The following MUC22 variants were observed in gnomAD, a reference collection of about 807,000 sequenced individuals.
MUC22 encodes mucin 22, also known as mucin-22.
MUC22 carries 24 observed loss-of-function variants against 40.3 expected under a neutral mutation model. The observed-to-expected ratio is 0.60, with a 90% CI of 0.43 to 0.84. The LOEUF is 0.84. MUC22 is among the 40% of genes least tolerant of loss of function. The probability of loss-of-function intolerance (pLI) is 0.00; values close to 1 mark genes in which losing one functional copy is unlikely to be tolerated. For missense variants in MUC22, 1,926 were observed against 2,130.7 expected, an observed-to-expected ratio of 0.90 and a Z score of 1.89; for synonymous variants, 765 against 844.5, an observed-to-expected ratio of 0.91 and a Z score of 1.63.
At chr6:31,005,998 G>A (rs962462690), upstream of MUC22, 29 of 212,416 alleles carry the variant, frequency 1.4e-4, no homozygotes, top group African/African-American at 5.7e-4. Context: ...TCCCAGCTAC[G>A]TGGGAAGCTG....
At chr6:31,034,851 T>C (rs1766335272) in exon 4 of MUC22, 1 of 1,535,300 alleles carries the variant, frequency 6.5e-7, no homozygotes, top group East Asian at 2.4e-5. Flanking sequence ...GCTTTGGATA[T>C]GGAGTGGGCC....
chr6:31,016,569 C>T (rs542176938), intron 1 of MUC22, among the ~76,000 whole-genome samples: 1 of 152,374 alleles, frequency 6.6e-6, no homozygotes, highest in South Asian at 2.1e-4. Context: ...GTGGGTTTTA[C>T]ATTTCAGGGT....
intron 1 of MUC22, among the ~76,000 whole-genome samples, chr6:31,022,583 A>G (rs1269768669): frequency 6.6e-6 from 1 of 152,168 alleles, no homozygotes; most frequent in Non-Finnish European, 1.5e-5. Flanking sequence ...TTAAATTTTA[A>G]AAGATAATAT....
exon 2 of MUC22, chr6:31,028,131 C>G: frequency 6.5e-7 from 1 of 1,529,894 alleles, no homozygotes; most frequent in East Asian, 2.5e-5. Flanking sequence ...CAGTCTCCAC[C>G]ACAGACTCTG....
At chr6:31,023,422 G>A (rs1373623991) in intron 1 of MUC22, among the ~76,000 whole-genome samples, 1 of 152,084 alleles carries the variant, frequency 6.6e-6, no homozygotes, top group East Asian at 1.9e-4. Flanking sequence ...ACTCGTGCCT[G>A]TGATCCTAGA....
At chr6:31,027,023 C>T (rs752731288) in exon 2 of MUC22, 2 of 1,505,214 alleles carry the variant, frequency 1.3e-6, no homozygotes, top group African/African-American at 2.8e-5. Context: ...GCCTCTACTA[C>T]AGGGTTTGAG....
rs1254417688 is a variant in MUC22 at position 31,030,504 on chromosome 6, G to A, written c.4669+404G>A. Among the ~76,000 whole-genome samples the A allele has an allele frequency of 2.2e-5, 3 of 135,428 alleles. No individual in the cohort carries two copies. In the South Asian group the frequency reaches 7.0e-4, roughly 31 times the overall value. The allele number at this position is 135,428 out of a possible 152,430, so 88.8% of individuals were successfully genotyped here. The stretch of plus-strand genomic sequence containing the variant: ...TGCATTCCAGCCTGGGCGACAGAGC[G>A]AGACTCCGTCTCAAAAAAAAAAAAA... On this transcript the variant is annotated intron_variant, in intron 2 of 3. Transcript: ENST00000561890.
intron 1 of MUC22, among the ~76,000 whole-genome samples, chr6:31,014,045 TATG>T (rs1448100288): frequency 1.3e-5 from 2 of 152,300 alleles, no homozygotes; most frequent in African/African-American, 4.8e-5. Flanking sequence ...GTGTTTACAT[TATG>T]ATAACTATAA....
intron 1 of MUC22, among the ~76,000 whole-genome samples, chr6:31,021,065 G>A (rs1764685788): frequency 6.6e-6 from 1 of 152,222 alleles, no homozygotes; most frequent in Non-Finnish European, 1.5e-5. Context: ...CCTGCTCCAG[G>A]GCGCCCAGTC....
chr6:31,034,978 G>T, exon 4 of MUC22: 3 of 1,516,534 alleles, frequency 2.0e-6, no homozygotes, highest in Non-Finnish European at 2.6e-6. Context: ...CCACCAAGGA[G>T]GCCACGGCAG....
At chr6:31,033,674 A>G (rs1766242778) in intron 3 of MUC22, among the ~76,000 whole-genome samples, 1 of 152,176 alleles carries the variant, frequency 6.6e-6, no homozygotes, top group Non-Finnish European at 1.5e-5. Context: ...AGTTCTTCCC[A>G]ATTCTGAGCT....
upstream of MUC22, chr6:31,010,329 G>A (rs1458828993): frequency 2.1e-5 from 4 of 193,794 alleles, no homozygotes; most frequent in East Asian, 1.2e-4. Flanking sequence ...TCTCTCCTCC[G>A]CCTTGATTCC....
intron 3 of MUC22, among the ~76,000 whole-genome samples, chr6:31,033,089 T>A (rs1766186990): frequency 1.3e-5 from 2 of 151,990 alleles, no homozygotes; most frequent in Non-Finnish European, 2.9e-5. Context: ...TGCTTGAACC[T>A]GGGAGATGGA....
At chr6:31,026,921 C>CCAA in exon 2 of MUC22, 1 of 1,506,572 alleles carries the variant, frequency 6.6e-7, no homozygotes, top group Non-Finnish European at 8.9e-7. Flanking sequence ...TCTGAGACCA[C>CCAA]AGTCTCCACT....
At chr6:31,017,271 G>A (rs535887123) in intron 1 of MUC22, among the ~76,000 whole-genome samples, 40 of 152,382 alleles carry the variant, frequency 2.6e-4, no homozygotes, top group Admixed American at 2.5e-3. Flanking sequence ...CCTGAGTGTA[G>A]TGGGGACTTG....
In MUC22 at chr6:31,028,583, G is replaced by C. The variant is rs1233299274; in HGVS notation, c.3152G>C (p.Ser1051Thr). Residue 1051 changes from serine (S) to threonine (T), a missense_variant, in exon 2 of 4, where the codon AGC becomes ACC. Physicochemically the swap from Ser to Thr is moderately conservative, Grantham distance 58. Transcript: ENST00000561890. The stretch of plus-strand genomic sequence containing the variant: ...GAGACCACCAAGGTCTCCACTGCAA[G>C]CTCTAAAATGACCACAGTCTTCACT... The C allele has an allele frequency of 3.3e-6, 5 of 1,534,110 alleles. No homozygotes were observed. Among genetic ancestry groups the C allele is most frequent in the East Asian group, 2.5e-5 (1 of 40,598 alleles).
At chr6:31,030,246 G>A (rs767890282) in intron 2 of MUC22, 146 bp downstream of exon 2, 15 of 960,026 alleles carry the variant, frequency 1.6e-5, no homozygotes, top group South Asian at 5.4e-5. Flanking sequence ...GGCTGGGCGC[G>A]GTGGCTCATG....
In MUC22 at chr6:31,030,064, G is replaced by A. The variant is rs929540951; in HGVS notation, c.4633G>A (p.Val1545Ile). The change falls in exon 2 of 4, where the codon GTT (valine) becomes ATT (isoleucine). Residue 1545 changes from valine to isoleucine, a missense_variant. Physicochemically the swap from Val to Ile is conservative, Grantham distance 29. Coordinates refer to ENST00000561890, the Ensembl canonical transcript of MUC22. ...GTTTGTACTCACCAAGGCCACTGACGTTTCTATCCAGCCCATCACCAACAC... is the reference window on the plus strand; with the variant it reads ...GTTTGTACTCACCAAGGCCACTGACATTTCTATCCAGCCCATCACCAACAC... 1.9e-5 allele frequency: 29 copies of A among 1,534,522 alleles called. No individual in the cohort carries two copies. Among genetic ancestry groups the A allele is most frequent in the East Asian group, 4.9e-5 (2 of 40,916 alleles).
At chr6:31,017,943 G>GT (rs1764360008) in intron 1 of MUC22, among the ~76,000 whole-genome samples, 1 of 152,214 alleles carries the variant, frequency 6.6e-6, no homozygotes, top group Non-Finnish European at 1.5e-5. Context: ...TTTATGAGTT[G>GT]TAACACTCAC....
Sources: allele counts gnomAD v4.1 joint callset (sites outside exome capture counted in the v4.1 genomes callset), GRCh38; gene constraint gnomAD v4.1.1; transcripts MANE v1.5; gene names NCBI Gene and HGNC (gene_info 2026-07-23, HGNC 2026-07-21).